Variants in CELF5 observed in about 807,000 individuals in gnomAD.
CELF5 encodes CUGBP Elav-like family member 5.
Under a neutral mutation model 54.9 loss-of-function variants are expected in CELF5, and 6 were observed. The ratio of observed to expected loss-of-function variants is 0.11; its 90% CI spans 0.06 to 0.22. The LOEUF (loss-of-function observed/expected upper bound fraction) is 0.22. Among genes scored for constraint, CELF5 ranks in the 10% least tolerant of loss-of-function variants. The pLI is 1.00. For missense variants in CELF5, 401 were observed against 678.6 expected (o/e 0.59, Z 4.54); for synonymous variants, 271 against 290.9 (o/e 0.93, Z 0.70).
chr19:3,277,295 G>A (rs2080071767), intron 4 of CELF5, among the ~76,000 whole-genome samples: 1 of 151,884 alleles, frequency 6.6e-6, no homozygotes, highest in Admixed American at 6.6e-5. Flanking sequence ...CCAAGATGGT[G>A]AAACCCGTCT....
At chr19:3,283,707 A>G (rs2080188632) in intron 8 of CELF5, among the ~76,000 whole-genome samples, 1 of 152,068 alleles carries the variant, frequency 6.6e-6, no homozygotes, top group Admixed American at 6.6e-5. Context: ...AGTCCCAGGT[A>G]CCCTTCACAC....
intron 4 of CELF5, among the ~76,000 whole-genome samples, chr19:3,276,441 G>C (rs1211963148): frequency 1.3e-5 from 2 of 151,270 alleles, no homozygotes; most frequent in Non-Finnish European, 3.0e-5. Context: ...CTGCAGGGAG[G>C]GGTGAAATAC....
chr19:3,233,323 T>C (rs902497657), intron 1 of CELF5, among the ~76,000 whole-genome samples: 2 of 152,148 alleles, frequency 1.3e-5, no homozygotes, highest in African/African-American at 4.8e-5. Context: ...TAAGTCTGTA[T>C]TGTGTGCCAG....
intron 2 of CELF5, among the ~76,000 whole-genome samples, chr19:3,259,942 G>T (rs186195861): frequency 6.6e-6 from 1 of 152,254 alleles, no homozygotes; most frequent in East Asian, 1.9e-4. Flanking sequence ...TGTTCTGGAA[G>T]AGTGTTATCT....
At chr19:3,238,455 C>T (rs1164520159) in intron 1 of CELF5, among the ~76,000 whole-genome samples, 1 of 152,188 alleles carries the variant, frequency 6.6e-6, no homozygotes, top group African/African-American at 2.4e-5. Flanking sequence ...GGAACAGCCT[C>T]TCCCAGTCCT....
chr19:3,235,726 GTGGATGGATGGA>G (rs201677943), intron 1 of CELF5, among the ~76,000 whole-genome samples: 5 of 115,914 alleles, frequency 4.3e-5, no homozygotes, highest in African/African-American at 1.0e-4. Context: ...GTGTGGATGG[GTGGATGGATGGA>G]TGGATGGATG....
At chr19:3,229,231 C>T (rs1368317888) in intron 1 of CELF5, among the ~76,000 whole-genome samples, 2 of 151,990 alleles carry the variant, frequency 1.3e-5, no homozygotes, top group African/African-American at 4.8e-5. Context: ...AATCCGTCCA[C>T]CTGTATGACC....
At chr19:3,257,770 C>T (rs2079750285) in intron 2 of CELF5, among the ~76,000 whole-genome samples, 1 of 150,322 alleles carries the variant, frequency 6.7e-6, no homozygotes, top group Non-Finnish European at 1.5e-5. Flanking sequence ...GCCACCATGC[C>T]CAGCCTCCAT....
At chr19:3,272,090 G>A (rs117948041) in intron 2 of CELF5, among the ~76,000 whole-genome samples, 6,798 of 152,252 alleles carry the variant, frequency 0.045, 455 homozygotes, top group East Asian at 0.35. Context: ...GCATTTGGCC[G>A]GGTGCAGGGG....
At chr19:3,280,009 C>T (rs1437730912) in intron 5 of CELF5, among the ~76,000 whole-genome samples, 1 of 152,142 alleles carries the variant, frequency 6.6e-6, no homozygotes, top group Non-Finnish European at 1.5e-5. Context: ...GGCCACCAGG[C>T]TTCTCTTGTT....
intron 2 of CELF5, among the ~76,000 whole-genome samples, chr19:3,269,875 C>T (rs917878730): frequency 6.6e-6 from 1 of 152,134 alleles, no homozygotes; most frequent in Non-Finnish European, 1.5e-5. Flanking sequence ...ACGATCCTCC[C>T]TCCTTGGCCT....
intron 1 of CELF5, among the ~76,000 whole-genome samples, chr19:3,227,873 C>G (rs1226813892): frequency 6.6e-6 from 1 of 152,084 alleles, no homozygotes; most frequent in Non-Finnish European, 1.5e-5. Context: ...TTCCCCAAAG[C>G]CAAGAGTGAG....
chr19:3,295,872 C>G (rs1235864230), intron 12 of CELF5: 1 of 152,214 alleles, frequency 6.6e-6, no homozygotes, highest in Non-Finnish European at 1.5e-5. Flanking sequence ...TTGGGGGGAG[C>G]CCCCCTGCCC....
chr19:3,250,742 G>T (rs149032637), intron 1 of CELF5, among the ~76,000 whole-genome samples: 9 of 152,284 alleles, frequency 5.9e-5, no homozygotes, highest in African/African-American at 2.2e-4. Flanking sequence ...GTCCTTCTGT[G>T]TCTGGCTTAT....
At chr19:3,249,189 AGG>A (rs1158496118) in intron 1 of CELF5, among the ~76,000 whole-genome samples, 4 of 151,746 alleles carry the variant, frequency 2.6e-5, no homozygotes, top group Admixed American at 2.6e-4. Context: ...GCGGGGTTTG[AGG>A]GGGAACCGAG....
chr19:3,265,497 C>G (rs1463262942), intron 2 of CELF5, among the ~76,000 whole-genome samples: 1 of 152,168 alleles, frequency 6.6e-6, no homozygotes, highest in Non-Finnish European at 1.5e-5. Flanking sequence ...ATATTTGTAC[C>G]CACTTGGTTT....
In CELF5 at chr19:3,231,295, CAGAT is replaced by C. The variant is rs1254489431; in HGVS notation, c.259+6298_259+6301del. 2.0e-4 allele frequency among the ~76,000 whole-genome samples: 31 copies of C among 152,248 alleles called. No individual in the cohort carries two copies. The East Asian group carries it at 3.1e-3, about 15-fold the overall frequency. ...ATTGGAGAATGGATGGGCTGGCTAA[CAGAT>C]GGATGGAGAGATAGATATGTGAATC... On this transcript the variant is annotated intron_variant, in intron 1 of 12. Coordinates refer to ENST00000292672, the MANE Select transcript of CELF5 (RefSeq NM_021938.4).
At chr19:3,239,402 T>C (rs1198947441) in intron 1 of CELF5, among the ~76,000 whole-genome samples, 6 of 152,060 alleles carry the variant, frequency 3.9e-5, no homozygotes, top group African/African-American at 7.2e-5. Flanking sequence ...CCCGGCTAAT[T>C]GTTTTTAATT....
At position 3,275,732 on chromosome 19, in the gene CELF5, C is replaced by A; in HGVS notation, c.395-124C>A. 1 of 1,050,884 alleles carries A rather than the reference C, an allele frequency of 9.5e-7. No individual in the cohort carries two copies. The highest frequency in any genetic ancestry group is 1.3e-6 in the Non-Finnish European group (1 of 753,210). 65.1% of individuals were successfully genotyped at this position (1,050,884 alleles called of 1,614,324 possible). On this transcript the variant is annotated intron_variant, in intron 3 of 12. Transcript: ENST00000292672. The surrounding 1 kb of genome is among the most constrained non-coding windows in gnomAD (Gnocchi z 6.7). ...CTCCCTCGCACGCGCAGAACCGGAGCCGGCAGGGCCCGGGCGCCGCGTCTT... is the reference window on the plus strand; with the variant it reads ...CTCCCTCGCACGCGCAGAACCGGAGACGGCAGGGCCCGGGCGCCGCGTCTT...
Sources: gnomAD v4.1 joint callset for allele counts (sites outside exome capture counted in the v4.1 genomes callset) on GRCh38, gnomAD v4.1.1 for gene constraint, Gnocchi (gnomAD v3.1) non-coding constraint, MANE v1.5 for transcripts, NCBI Gene and HGNC (gene_info 2026-07-23, HGNC 2026-07-21) for gene names.